Variants in SNRPD1 observed in about 807,000 individuals in gnomAD.
The protein encoded by SNRPD1 is small nuclear ribonucleoprotein D1 polypeptide, also known as small nuclear ribonucleoprotein Sm D1.
A neutral mutation model predicts 14.4 loss-of-function variants in SNRPD1; 1 was observed. The observed-to-expected ratio is 0.07, with a 90% CI of 0.02 to 0.33. The LOEUF (loss-of-function observed/expected upper bound fraction) is 0.33, where lower values mean the gene tolerates loss of function less well. SNRPD1 is among the 10% of genes least tolerant of loss of function. The probability of loss-of-function intolerance (pLI) is 1.00; values close to 1 mark genes in which losing one functional copy is unlikely to be tolerated. For missense variants in SNRPD1, 52 were observed against 146.4 expected (o/e 0.36, Z 3.33); for synonymous variants, 42 against 50.3 (o/e 0.83, Z 0.70).
At chr18:21,633,515 A>ACTTT (rs1177634781) in exon 4 of SNRPD1, 2 of 152,056 alleles carry the variant, frequency 1.3e-5, no homozygotes, top group Admixed American at 6.6e-5. Context: ...AAAGAGGAGT[A>ACTTT]CTTTCTTTTC....
chr18:21,632,852 T>TCTC lies in SNRPD1; in HGVS notation c.*3714_*3715insCTC, dbSNP rs1442029639. On this transcript the variant is annotated 3_prime_UTR_variant, in exon 4 of 4. Transcript: ENST00000300413. ...TTTCTTTTCTTTTCTTTTCTTTTCT[T>TCTC]TTCTTTTTTTTTTTTTGAGACAGAG... 1 of 152,994 alleles carries TCTC rather than the reference T, an allele frequency of 6.5e-6. No homozygotes were observed. The highest frequency in any genetic ancestry group is 1.4e-5 in the Non-Finnish European group (1 of 70,280). 9.5% of individuals were successfully genotyped at this position (152,994 alleles called of 1,614,324 possible).
Position 21,630,785 on chromosome 18 carries a change from T to G in SNRPD1, c.*1647T>G, listed in dbSNP as rs1400880499. On this transcript the variant is annotated 3_prime_UTR_variant, in exon 4 of 4. Coordinates refer to ENST00000300413, the MANE Select transcript of SNRPD1 (RefSeq NM_006938.4). ...AAAAAAAAATCGAGAGAGAGATATA[T>G]ATATGTATTTATATATATATGTATT... 1.3e-5 allele frequency: 2 copies of G among 148,178 alleles called. No individual in the cohort carries two copies. The highest frequency in any genetic ancestry group is 3.0e-5 in the Non-Finnish European group (2 of 67,278). The allele number at this position is 148,178 out of a possible 1,614,324, so 9.2% of individuals were successfully genotyped here. A position where few individuals can be genotyped will look rare whatever the true frequency, so the allele number is the denominator to read the frequency against.
intron 1 of SNRPD1, among the ~76,000 whole-genome samples, chr18:21,613,916 G>A (rs1369530541): frequency 1.3e-5 from 2 of 148,170 alleles, no homozygotes; most frequent in Non-Finnish European, 3.0e-5. Context: ...AGACATTTAA[G>A]GTTAATTTTT....
At chr18:21,616,100 C>T (rs564690349) in intron 1 of SNRPD1, among the ~76,000 whole-genome samples, 159 of 152,286 alleles carry the variant, frequency 1.0e-3, no homozygotes, top group African/African-American at 3.8e-3. Context: ...ATTCTCCTGC[C>T]TCAGCCTCCC....
At chr18:21,617,276 T>G (rs2038964607) in intron 1 of SNRPD1, among the ~76,000 whole-genome samples, 1 of 151,740 alleles carries the variant, frequency 6.6e-6, no homozygotes, top group Non-Finnish European at 1.5e-5. Flanking sequence ...ACCAACATGG[T>G]GAAACCCCGG....
intron 1 of SNRPD1, among the ~76,000 whole-genome samples, chr18:21,616,280 C>T (rs1405548944): frequency 6.8e-6 from 1 of 146,980 alleles, no homozygotes; most frequent in Non-Finnish European, 1.5e-5. Context: ...CCACTGCGCC[C>T]AGCCCAGAGT....
At chr18:21,613,419 C>T (rs766806496) in intron 1 of SNRPD1, among the ~76,000 whole-genome samples, 1 of 152,126 alleles carries the variant, frequency 6.6e-6, no homozygotes, top group Non-Finnish European at 1.5e-5. Context: ...CTGTTACATA[C>T]TAGGCGCTGG....
intron 1 of SNRPD1, among the ~76,000 whole-genome samples, chr18:21,622,417 G>A (rs997689254): frequency 6.6e-6 from 1 of 152,162 alleles, no homozygotes; most frequent in East Asian, 1.9e-4. Flanking sequence ...TGGAATTATA[G>A]GCGTGAGCCA....
At chr18:21,621,335 C>G (rs1166166602) in intron 1 of SNRPD1, among the ~76,000 whole-genome samples, 1 of 152,150 alleles carries the variant, frequency 6.6e-6, no homozygotes, top group Non-Finnish European at 1.5e-5. Context: ...TGTCCGTCAA[C>G]AGGCGGTAAT....
Position 21,629,354 on chromosome 18 carries a change from T to C in SNRPD1, c.*216T>C. The C allele has an allele frequency of 2.2e-6, 1 of 455,168 alleles. No homozygotes were observed. The highest frequency in any genetic ancestry group is 3.9e-6 in the Non-Finnish European group (1 of 255,282). 28.2% of individuals were successfully genotyped at this position (455,168 alleles called of 1,614,324 possible). On this transcript the variant is annotated 3_prime_UTR_variant, in exon 4 of 4. Coordinates refer to ENST00000300413, the MANE Select transcript of SNRPD1 (RefSeq NM_006938.4). ...CATTTTTAGTTGATCAGGTTTTAAG[T>C]TTTTGAACTAAAATTTTTCTTTTTC...
In SNRPD1 at chr18:21,616,689, C is replaced by CT. The variant is rs34166333; in HGVS notation, c.14+4261dup. 4.0e-3 allele frequency among the ~76,000 whole-genome samples: 547 copies of CT among 135,254 alleles called. 2 individuals carry two copies. The highest frequency in any genetic ancestry group is 6.0e-3 in the Non-Finnish European group (385 of 63,730). The allele number at this position is 135,254 out of a possible 152,430, so 88.7% of individuals were successfully genotyped here. ...TTTATGTATCTGGAACTCTTTAAGTCTTTTTTTTTTTTTTTGAGATGGAGT... is the reference window on the plus strand; with the variant it reads ...TTTATGTATCTGGAACTCTTTAAGTCTTTTTTTTTTTTTTTTGAGATGGAGT... On this transcript the variant is annotated intron_variant, in intron 1 of 3. Transcript: ENST00000300413.
At chr18:21,619,523 G>A (rs1383530007) in intron 1 of SNRPD1, among the ~76,000 whole-genome samples, 2 of 149,506 alleles carry the variant, frequency 1.3e-5, no homozygotes. Context: ...GGTGGCTTAC[G>A]CCTGTAATCC....
chr18:21,628,537 G>A, intron 3 of SNRPD1, among the ~76,000 whole-genome samples: 1 of 152,078 alleles, frequency 6.6e-6, no homozygotes, highest in East Asian at 1.9e-4. Flanking sequence ...ATTACTATTT[G>A]GATTAAAGCA....
rs756761537 is a variant in SNRPD1, at chr18:21,629,162, T to C, written c.*24T>C. On this transcript the variant is annotated 3_prime_UTR_variant, in exon 4 of 4. Transcript: ENST00000300413. ...AATGTCTCTCAAGATTTCAAAGTCA[T>C]ATGAGATTTGGGATATTTTTTGTAC... The C allele has an allele frequency of 3.2e-6, 5 of 1,553,410 alleles. No homozygotes were observed. Among genetic ancestry groups the C allele is most frequent in the Non-Finnish European group, 3.6e-6 (4 of 1,125,296 alleles).
intron 1 of SNRPD1, among the ~76,000 whole-genome samples, chr18:21,615,190 T>A (rs2038948150): frequency 1.3e-5 from 2 of 152,252 alleles, no homozygotes; most frequent in South Asian, 4.1e-4. Context: ...ATTTCATATA[T>A]TTGGAATCAC....
intron 1 of SNRPD1, among the ~76,000 whole-genome samples, chr18:21,615,064 G>A (rs2038947215): frequency 6.6e-6 from 1 of 152,128 alleles, no homozygotes; most frequent in Admixed American, 6.6e-5. Flanking sequence ...ATCAACAGAA[G>A]TAACATTACC....
intron 1 of SNRPD1, among the ~76,000 whole-genome samples, chr18:21,619,211 A>C (rs2146257796): frequency 6.6e-6 from 1 of 151,922 alleles, no homozygotes; most frequent in Non-Finnish European, 1.5e-5. Flanking sequence ...ACAAAGTCTC[A>C]CTCTATTGTC....
chr18:21,625,702 C>T (rs2039032972), intron 3 of SNRPD1, among the ~76,000 whole-genome samples: 1 of 152,124 alleles, frequency 6.6e-6, no homozygotes, highest in South Asian at 2.1e-4. Context: ...GCTCCGCTTC[C>T]CGGGTTCACA....
chr18:21,625,010 A>G (rs189786724), intron 3 of SNRPD1, among the ~76,000 whole-genome samples: 7 of 152,278 alleles, frequency 4.6e-5, no homozygotes, highest in African/African-American at 1.2e-4. Flanking sequence ...TACAGATACA[A>G]CCATCATAGG....
Sources: gnomAD v4.1 joint callset for allele counts (sites outside exome capture counted in the v4.1 genomes callset) on GRCh38, gnomAD v4.1.1 for gene constraint, MANE v1.5 for transcripts, NCBI Gene and HGNC (gene_info 2026-07-23, HGNC 2026-07-21) for gene names.